Variants in PDLIM5 observed in about 807,000 individuals in gnomAD.
PDLIM5 encodes the protein PDZ and LIM domain 5.
A neutral mutation model predicts 64.2 loss-of-function variants in PDLIM5; 34 were observed. That is an observed-to-expected ratio of 0.53 (90% CI 0.40 to 0.71). PDLIM5 has a LOEUF of 0.71. Ranked by LOEUF, PDLIM5 falls within the 30% of genes least tolerant of loss-of-function variation. The probability of loss-of-function intolerance (pLI) is 0.00; values close to 1 mark genes in which losing one functional copy is unlikely to be tolerated. For synonymous variants in PDLIM5, 253 were observed against 269.1 expected (o/e 0.94, Z 0.59); for missense variants, 683 against 733.6 (o/e 0.93, Z 0.80).
rs1195951922 is a variant in PDLIM5, at chr4:94,564,673, T to TTTTTTTTTTTTG, written c.249-8676_249-8675insTTTTTTTTTGTT. 5.1e-4 allele frequency among the ~76,000 whole-genome samples: 74 copies of TTTTTTTTTTTTG among 144,922 alleles called. 3 individuals are homozygous for TTTTTTTTTTTTG. Among genetic ancestry groups the TTTTTTTTTTTTG allele is most frequent in the African/African-American group, 2.0e-3 (73 of 36,118 alleles). On this transcript the variant is annotated intron_variant, in intron 3 of 12. Transcript: ENST00000317968. ...TTTTGTCTCTTTTTTTTTTTTTTTT[T>TTTTTTTTTTTTG]TTGACAGAGTCTTGCTTTGTCTCCC...
chr4:94,577,581 C>CTTTTTT (rs11349007), intron 5 of PDLIM5, among the ~76,000 whole-genome samples: 1 of 106,858 alleles, frequency 9.4e-6, no homozygotes, highest in Non-Finnish European at 1.9e-5. Flanking sequence ...TGGTCGTAAT[C>CTTTTTT]TTTTTTTTTT....
chr4:94,486,562 C>T (rs1361948279), intron 2 of PDLIM5, among the ~76,000 whole-genome samples: 1 of 152,182 alleles, frequency 6.6e-6, no homozygotes, highest in Non-Finnish European at 1.5e-5. Context: ...TTGTAGACTC[C>T]TTGCAGTGCG....
At chr4:94,514,303 T>G (rs1729173881) in intron 2 of PDLIM5, among the ~76,000 whole-genome samples, 1 of 151,792 alleles carries the variant, frequency 6.6e-6, no homozygotes, top group Non-Finnish European at 1.5e-5. Context: ...CCCAGCTAAT[T>G]TTTTGTATTT....
intron 10 of PDLIM5, among the ~76,000 whole-genome samples, chr4:94,655,939 A>G (rs1742176606): frequency 6.6e-6 from 1 of 152,226 alleles, no homozygotes; most frequent in South Asian, 2.1e-4. Flanking sequence ...TACATCTTCT[A>G]CAAATGTTCA....
chr4:94,522,372 A>ACTTTATT (rs886697844), intron 2 of PDLIM5, among the ~76,000 whole-genome samples: 2 of 151,876 alleles, frequency 1.3e-5, no homozygotes, highest in African/African-American at 4.8e-5. Flanking sequence ...CATGTTTATC[A>ACTTTATT]TTTTATTTTT....
chr4:94,528,065 T>C (rs1327624196), intron 3 of PDLIM5, among the ~76,000 whole-genome samples: 2 of 152,158 alleles, frequency 1.3e-5, no homozygotes, highest in Non-Finnish European at 2.9e-5. Context: ...CCTCCTCACA[T>C]TGTCCTCTCC....
At chr4:94,641,215 C>G (rs1187245122) in intron 9 of PDLIM5, among the ~76,000 whole-genome samples, 1 of 152,220 alleles carries the variant, frequency 6.6e-6, no homozygotes, top group Non-Finnish European at 1.5e-5. Flanking sequence ...AGTGACTTCT[C>G]AAGCTCTCTT....
At chr4:94,549,071 T>A (rs752726713) in intron 3 of PDLIM5, among the ~76,000 whole-genome samples, 5 of 152,194 alleles carry the variant, frequency 3.3e-5, no homozygotes, top group Non-Finnish European at 7.3e-5. Flanking sequence ...TGTTTCCTAT[T>A]TCCTCGGTTT....
chr4:94,459,531 A>G (rs1340849080), intron 2 of PDLIM5, among the ~76,000 whole-genome samples: 3 of 152,226 alleles, frequency 2.0e-5, no homozygotes, highest in Non-Finnish European at 4.4e-5. Context: ...ATTGTGAAAC[A>G]CTTTGCTATG....
At chr4:94,570,721 A>G (rs1286989263) in intron 3 of PDLIM5, among the ~76,000 whole-genome samples, 2 of 152,184 alleles carry the variant, frequency 1.3e-5, no homozygotes, top group African/African-American at 4.8e-5. Context: ...TTACAGATTG[A>G]CAACTTTGCA....
chr4:94,504,421 G>A (rs921407261), intron 2 of PDLIM5, among the ~76,000 whole-genome samples: 2 of 152,002 alleles, frequency 1.3e-5, no homozygotes, highest in African/African-American at 4.8e-5. Flanking sequence ...CGAGTAGCTG[G>A]GATTACAGGT....
intron 11 of PDLIM5, among the ~76,000 whole-genome samples, chr4:94,658,703 C>T (rs542640040): frequency 6.6e-6 from 1 of 152,326 alleles, no homozygotes; most frequent in Non-Finnish European, 1.5e-5. Flanking sequence ...TTTTCATCTT[C>T]CTTTCAGCTC....
At chr4:94,521,876 T>C (rs970935393) in intron 2 of PDLIM5, among the ~76,000 whole-genome samples, 1 of 152,138 alleles carries the variant, frequency 6.6e-6, no homozygotes, top group African/African-American at 2.4e-5. Flanking sequence ...TGCCCTTCTT[T>C]GCTAAAATAA....
At position 94,666,030 on chromosome 4, in the gene PDLIM5, A is replaced by G. The variant is rs1003444839; in HGVS notation, c.*1963A>G. 17 of 1,533,484 alleles carry G rather than the reference A, an allele frequency of 1.1e-5. No individual in the cohort carries two copies. The African/African-American group carries it at 1.9e-4, about 17-fold the overall frequency. The allele number at this position is 1,533,484 out of a possible 1,614,324, so 95.0% of individuals were successfully genotyped here. On this transcript the variant is annotated 3_prime_UTR_variant, in exon 13 of 13. Transcript: ENST00000317968. ...GTTTTTCTCTTTGTTTCCAGAATGGATGAAAGTCCATGAACCTCCTAAGTT... is the reference window on the plus strand; with the variant it reads ...GTTTTTCTCTTTGTTTCCAGAATGGGTGAAAGTCCATGAACCTCCTAAGTT...
intron 2 of PDLIM5, among the ~76,000 whole-genome samples, chr4:94,486,731 A>T (rs190998132): frequency 6.6e-6 from 1 of 152,138 alleles, no homozygotes; most frequent in Non-Finnish European, 1.5e-5. Flanking sequence ...GCCAGGTGCA[A>T]TGGCTCATGC....
At chr4:94,517,311 T>C (rs1014400814) in intron 2 of PDLIM5, among the ~76,000 whole-genome samples, 1 of 152,200 alleles carries the variant, frequency 6.6e-6, no homozygotes, top group Admixed American at 6.5e-5. Context: ...ACGTTTATGG[T>C]ATCCTGGGAA....
chr4:94,661,790 C>T (rs1485058338), intron 11 of PDLIM5, among the ~76,000 whole-genome samples: 1 of 151,104 alleles, frequency 6.6e-6, no homozygotes, highest in African/African-American at 2.4e-5. Flanking sequence ...TCAGAACAGT[C>T]ATGTCTACTG....
intron 2 of PDLIM5, among the ~76,000 whole-genome samples, chr4:94,468,713 A>T (rs910522447): frequency 1.3e-5 from 2 of 152,198 alleles, no homozygotes; most frequent in Admixed American, 6.5e-5. Flanking sequence ...AGTCAAACTT[A>T]GTCCTTGTCG....
chr4:94,544,001 C>T (rs1198150708), intron 3 of PDLIM5, among the ~76,000 whole-genome samples: 1 of 152,200 alleles, frequency 6.6e-6, no homozygotes, highest in Admixed American at 6.5e-5. Flanking sequence ...GGAACCTCCA[C>T]AGTTTTCCAT....
Sources: gnomAD v4.1 joint callset for allele counts (sites outside exome capture counted in the v4.1 genomes callset) on GRCh38, gnomAD v4.1.1 for gene constraint, MANE v1.5 for transcripts, NCBI Gene and HGNC (gene_info 2026-07-23, HGNC 2026-07-21) for gene names.